TMC1: variants seen among roughly 807,000 people sequenced by gnomAD.
TMC1 encodes transmembrane channel like 1, also known as transmembrane channel-like protein 1.
TMC1 carries 84 observed loss-of-function variants against 105.8 expected under a neutral mutation model. The observed-to-expected ratio is 0.79, with a 90% CI of 0.67 to 0.95. The LOEUF is 0.95. Among genes scored for constraint, TMC1 ranks in the 40% least tolerant of loss-of-function variants. The probability of loss-of-function intolerance (pLI) is 0.00; values close to 1 mark genes in which losing one functional copy is unlikely to be tolerated. For missense variants in TMC1, 817 were observed against 914.1 expected (o/e 0.89, Z 1.37); for synonymous variants, 315 against 311.5 (o/e 1.01, Z -0.12).
At chr9:72,804,026 T>A (rs970300642) in intron 17 of TMC1, among the ~76,000 whole-genome samples, 1 of 152,224 alleles carries the variant, frequency 6.6e-6, no homozygotes, top group African/African-American at 2.4e-5. Flanking sequence ...ATGTGCTATA[T>A]GTACACCATA....
At chr9:72,772,384 T>A in intron 12 of TMC1, 29 bp from the exon 13 acceptor site, 1 of 1,613,646 alleles carries the variant, frequency 6.2e-7, no homozygotes, top group Non-Finnish European at 8.5e-7. Flanking sequence ...TCACGACAAC[T>A]GCTAAGTGGC....
rs1189207416 is a variant in TMC1, at chr9:72,700,743, T to TAC, written c.362+116_362+117dup. The TAC allele has an allele frequency of 0.018, 2,492 of 141,986 alleles. 16 individuals carry two copies. Among genetic ancestry groups the TAC allele is most frequent in the African/African-American group, 0.04 (945 of 23,362 alleles). The allele number at this position is 141,986 out of a possible 1,614,324, so 8.8% of individuals were successfully genotyped here. A position where few individuals can be genotyped will look rare whatever the true frequency, so the allele number is the denominator to read the frequency against. ...ATATATATATATATATATATATATA[T>TAC]ACACACACACACACACATACACACA... On this transcript the variant is annotated intron_variant, in intron 8 of 23. Transcript: ENST00000297784.
chr9:72,798,646 A>G (rs760897564), intron 17 of TMC1, among the ~76,000 whole-genome samples: 1 of 152,096 alleles, frequency 6.6e-6, no homozygotes, highest in Non-Finnish European at 1.5e-5. Flanking sequence ...TAACTCATGA[A>G]CGCAAAGAAG....
At chr9:72,666,732 A>C (rs1826048610) in intron 5 of TMC1, among the ~76,000 whole-genome samples, 1 of 152,126 alleles carries the variant, frequency 6.6e-6, no homozygotes, top group African/African-American at 2.4e-5. Flanking sequence ...TAAACAGTGG[A>C]TCAATTAACA....
chr9:72,648,763 C>T (rs774840140), intron 5 of TMC1, 99 bp downstream of exon 5: 2 of 1,101,434 alleles, frequency 1.8e-6, no homozygotes, highest in Admixed American at 1.7e-5. Context: ...AATTTTTGTT[C>T]CCTCTTTTGG....
chr9:72,682,207 T>C (rs1826298851), intron 5 of TMC1, among the ~76,000 whole-genome samples: 1 of 152,154 alleles, frequency 6.6e-6, no homozygotes, highest in African/African-American at 2.4e-5. Flanking sequence ...TCCAGTAGGG[T>C]GTTTTTGAAT....
At chr9:72,789,091 T>TTTTGTTTG in intron 14 of TMC1, 32 bp from the exon 15 acceptor site, 1 of 1,605,196 alleles carries the variant, frequency 6.2e-7, no homozygotes, top group Non-Finnish European at 8.5e-7. Context: ...TATTTTGGGT[T>TTTTGTTTG]TTTGTTTGTT....
chr9:72,540,033 G>T (rs1008213739), intron 1 of TMC1, among the ~76,000 whole-genome samples: 1 of 151,928 alleles, frequency 6.6e-6, no homozygotes, highest in Non-Finnish European at 1.5e-5. Context: ...AGGTACCATG[G>T]TCTTTTTAAC....
intron 12 of TMC1, among the ~76,000 whole-genome samples, chr9:72,762,577 C>T (rs746251063): frequency 5.9e-5 from 9 of 152,194 alleles, no homozygotes; most frequent in Admixed American, 3.3e-4. Flanking sequence ...AATAATTCTT[C>T]GGTGGCATGA....
At chr9:72,605,726 C>T (rs576496869) in intron 2 of TMC1, among the ~76,000 whole-genome samples, 42 of 152,118 alleles carry the variant, frequency 2.8e-4, no homozygotes, top group African/African-American at 9.6e-4. Flanking sequence ...CAGGCATACA[C>T]CACCACGCCT....
intron 1 of TMC1, among the ~76,000 whole-genome samples, chr9:72,574,332 T>C (rs917620969): frequency 2.6e-5 from 4 of 152,198 alleles, no homozygotes; most frequent in Admixed American, 2.6e-4. Flanking sequence ...TCCATTTAAT[T>C]GGGCGCCCAA....
At chr9:72,729,722 A>G (rs1186865115) in intron 8 of TMC1, among the ~76,000 whole-genome samples, 1 of 152,214 alleles carries the variant, frequency 6.6e-6, no homozygotes, top group East Asian at 1.9e-4. Context: ...TGTCCCTATC[A>G]TAAGGTCAAG....
chr9:72,712,298 CTG>C (rs1826850040), intron 8 of TMC1, among the ~76,000 whole-genome samples: 1 of 151,966 alleles, frequency 6.6e-6, no homozygotes, highest in Admixed American at 6.6e-5. Context: ...TTTTTCAAGT[CTG>C]TGAAGAAAGT....
intron 17 of TMC1, among the ~76,000 whole-genome samples, chr9:72,796,596 A>G (rs951868647): frequency 6.6e-6 from 1 of 152,236 alleles, no homozygotes; most frequent in African/African-American, 2.4e-5. Flanking sequence ...GTGATTCATC[A>G]TGTAAAAAGA....
At chr9:72,757,456 G>A (rs981505352) in intron 12 of TMC1, among the ~76,000 whole-genome samples, 2 of 152,186 alleles carry the variant, frequency 1.3e-5, no homozygotes, top group Admixed American at 6.5e-5. Flanking sequence ...TACAGGCTGA[G>A]TATTCCTTAT....
intron 7 of TMC1, among the ~76,000 whole-genome samples, chr9:72,698,746 A>G (rs1826593208): frequency 2.0e-5 from 3 of 152,206 alleles, no homozygotes. Flanking sequence ...GAAAGACCCT[A>G]GGAGCTAAAA....
chr9:72,543,058 A>T lies in TMC1; in HGVS notation c.-428+21145A>T, dbSNP rs186768713. Among the ~76,000 whole-genome samples the T allele has an allele frequency of 3.1e-3, 475 of 152,170 alleles. 2 individuals carry two copies. Among genetic ancestry groups the T allele is most frequent in the African/African-American group, 0.01 (433 of 41,528 alleles). On this transcript the variant is annotated intron_variant, in intron 1 of 23. Transcript: ENST00000297784. The stretch of plus-strand genomic sequence containing the variant: ...TTTTTTCTATGTGATAATTTTTTTT[A>T]AAAAAAGAAGGTGTCATGTTACATT...
Position 72,627,948 on chromosome 9 carries a change from C to G in TMC1, c.-168C>G, listed in dbSNP as rs573802434. 9.1e-6 allele frequency: 4 copies of G among 441,102 alleles called. No homozygotes were observed. Among genetic ancestry groups the G allele is most frequent in the South Asian group, 4.9e-5 (3 of 61,556 alleles). The allele number at this position is 441,102 out of a possible 1,614,324, so 27.3% of individuals were successfully genotyped here. ...TGCCAGAAGCCTCAAAAATGGAAAA[C>G]CCCCTGTGCTTCACATCTGAAAATC... On this transcript the variant is annotated 5_prime_UTR_variant, in exon 4 of 24. Coordinates refer to ENST00000297784, the MANE Select transcript of TMC1 (RefSeq NM_138691.3).
chr9:72,650,894 A>ATATATATAAATATATATATATC (rs1825799935), intron 5 of TMC1, among the ~76,000 whole-genome samples: 2 of 142,010 alleles, frequency 1.4e-5, no homozygotes, highest in African/African-American at 5.2e-5. Context: ...ATATATAGAT[A>ATATATATAAATATATATATATC]TATATATAAA....
Sources: gnomAD v4.1 joint callset for allele counts (sites outside exome capture counted in the v4.1 genomes callset) on GRCh38, gnomAD v4.1.1 for gene constraint, MANE v1.5 for transcripts, NCBI Gene and HGNC (gene_info 2026-07-23, HGNC 2026-07-21) for gene names.